RSU1: variants seen among roughly 807,000 people sequenced by gnomAD.
RSU1 encodes the protein Ras suppressor protein 1.
Under a neutral mutation model 31.1 loss-of-function variants are expected in RSU1, and 26 were observed. The observed-to-expected ratio is 0.84, with a 90% CI of 0.61 to 1.16. The LOEUF is 1.16. RSU1 is among the 50% of genes most tolerant of loss of function. RSU1 has a pLI of 0.00. For missense variants in RSU1, 320 were observed against 339.1 expected (o/e 0.94, Z 0.44); for synonymous variants, 164 against 136.3 (o/e 1.20, Z -1.41).
chr10:16,810,897 C>T (rs61844020), intron 2 of RSU1, among the ~76,000 whole-genome samples: 8,663 of 152,076 alleles, frequency 0.057, 435 homozygotes, highest in East Asian at 0.25. Flanking sequence ...TGGCATGTGC[C>T]TGTAATCTAC....
intron 2 of RSU1, among the ~76,000 whole-genome samples, chr10:16,790,013 G>C (rs1837879091): frequency 6.6e-6 from 1 of 152,182 alleles, no homozygotes; most frequent in East Asian, 1.9e-4. Flanking sequence ...AATGAACAGA[G>C]GGAAGCAAAA....
chr10:16,696,677 G>A lies in RSU1; in HGVS notation c.599-1522C>T, dbSNP rs74125822. Among the ~76,000 whole-genome samples, 860 of 152,192 alleles carry A rather than the reference G, an allele frequency of 5.7e-3. 4 individuals carry two copies. Among genetic ancestry groups the A allele is most frequent in the South Asian group, 0.031 (149 of 4,818 alleles). On this transcript the variant is annotated intron_variant, in intron 7 of 8. Coordinates refer to ENST00000345264, the MANE Select transcript of RSU1 (RefSeq NM_012425.4). ...TTCCTCATCTTAATGGTTAAACATC[G>A]TTAGTCAGATATTAAGTCACTTGGG... is the stretch of plus-strand genomic sequence containing the variant.
intron 8 of RSU1, among the ~76,000 whole-genome samples, chr10:16,612,449 A>G (rs1315122302): frequency 6.6e-6 from 1 of 152,190 alleles, no homozygotes; most frequent in Non-Finnish European, 1.5e-5. Context: ...TGCTCTGTCC[A>G]TGGTCCTGAA....
At chr10:16,740,525 C>A (rs901630145) in intron 7 of RSU1, among the ~76,000 whole-genome samples, 1 of 152,068 alleles carries the variant, frequency 6.6e-6, no homozygotes, top group African/African-American at 2.4e-5. Flanking sequence ...AAATTAAAGA[C>A]ATCCAGATTG....
At chr10:16,680,933 T>C (rs1835318891) in intron 8 of RSU1, among the ~76,000 whole-genome samples, 1 of 152,160 alleles carries the variant, frequency 6.6e-6, no homozygotes, top group South Asian at 2.1e-4. Flanking sequence ...ATGACAACTC[T>C]AATAAAATCC....
chr10:16,779,181 C>G (rs1349959532), intron 3 of RSU1, among the ~76,000 whole-genome samples: 1 of 152,132 alleles, frequency 6.6e-6, no homozygotes, highest in East Asian at 1.9e-4. Context: ...CAACGCTGCC[C>G]CAAGCTCCCA....
intron 3 of RSU1, among the ~76,000 whole-genome samples, chr10:16,767,772 A>G (rs1837343291): frequency 6.6e-6 from 1 of 152,182 alleles, no homozygotes; most frequent in African/African-American, 2.4e-5. Context: ...AAAATAGGAG[A>G]GGCATGTTAT....
chr10:16,789,468 T>A (rs10904813), intron 2 of RSU1, among the ~76,000 whole-genome samples: 54,073 of 152,104 alleles, frequency 0.36, 11,897 homozygotes, highest in African/African-American at 0.63. Flanking sequence ...CAAAGCCCGG[T>A]CAGGCAAAGA....
chr10:16,722,386 G>T (rs566690480), intron 7 of RSU1, among the ~76,000 whole-genome samples: 1 of 152,252 alleles, frequency 6.6e-6, no homozygotes, highest in African/African-American at 2.4e-5. Flanking sequence ...ATGAAGCATG[G>T]GAGCTGACAC....
At chr10:16,667,371 C>T (rs755609721) in intron 8 of RSU1, among the ~76,000 whole-genome samples, 1 of 152,130 alleles carries the variant, frequency 6.6e-6, no homozygotes, top group Non-Finnish European at 1.5e-5. Flanking sequence ...TGAGTACTAG[C>T]GAGTGACATG....
intron 8 of RSU1, among the ~76,000 whole-genome samples, chr10:16,688,825 A>C (rs1835488060): frequency 6.7e-6 from 1 of 148,204 alleles, no homozygotes; most frequent in Non-Finnish European, 1.5e-5. Flanking sequence ...ACATAGCAAG[A>C]CCCCCAGTCT....
At chr10:16,633,599 C>T (rs1488456846) in intron 8 of RSU1, among the ~76,000 whole-genome samples, 1 of 152,094 alleles carries the variant, frequency 6.6e-6, no homozygotes, top group Non-Finnish European at 1.5e-5. Flanking sequence ...TATACAGTGA[C>T]TATGTTGAGG....
chr10:16,646,737 T>A (rs1203320525), intron 8 of RSU1, among the ~76,000 whole-genome samples: 1 of 152,206 alleles, frequency 6.6e-6, no homozygotes, highest in African/African-American at 2.4e-5. Flanking sequence ...TTGCAAGGCA[T>A]TGTAACTAAT....
chr10:16,627,061 C>T (rs942131088), intron 8 of RSU1, among the ~76,000 whole-genome samples: 1 of 152,206 alleles, frequency 6.6e-6, no homozygotes, highest in Non-Finnish European at 1.5e-5. Flanking sequence ...ATTTGGGGAA[C>T]TTTTCTAAGA....
intron 7 of RSU1, among the ~76,000 whole-genome samples, chr10:16,735,939 G>A (rs1836616028): frequency 6.6e-6 from 1 of 152,124 alleles, no homozygotes; most frequent in Admixed American, 6.6e-5. Flanking sequence ...TGATGCATGA[G>A]GGAAGGAAAA....
At chr10:16,620,459 G>A (rs913109202) in intron 8 of RSU1, among the ~76,000 whole-genome samples, 3 of 151,892 alleles carry the variant, frequency 2.0e-5, no homozygotes, top group African/African-American at 7.3e-5. Flanking sequence ...CACCTCTACA[G>A]TGGGGGAACC....
At chr10:16,790,102 T>TAA (rs1327892450) in intron 2 of RSU1, among the ~76,000 whole-genome samples, 1 of 152,198 alleles carries the variant, frequency 6.6e-6, no homozygotes, top group Admixed American at 6.5e-5. Flanking sequence ...ATGATTTTTT[T>TAA]ATTCTTGAGC....
chr10:16,658,687 G>A (rs1224719754), intron 8 of RSU1, among the ~76,000 whole-genome samples: 2 of 152,180 alleles, frequency 1.3e-5, no homozygotes, highest in African/African-American at 2.4e-5. Flanking sequence ...TCGCGCCACT[G>A]ACCTCTAACC....
At chr10:16,738,107 G>T (rs1454024342) in intron 7 of RSU1, among the ~76,000 whole-genome samples, 7 of 152,184 alleles carry the variant, frequency 4.6e-5, no homozygotes, top group Non-Finnish European at 8.8e-5. Flanking sequence ...TGTGTGAGAT[G>T]CTGCTAAAAC....
Sources: gnomAD v4.1 joint callset for allele counts (sites outside exome capture counted in the v4.1 genomes callset) on GRCh38, gnomAD v4.1.1 for gene constraint, MANE v1.5 for transcripts, NCBI Gene and HGNC (gene_info 2026-07-23, HGNC 2026-07-21) for gene names.